PDSS2: variants seen among roughly 807,000 people sequenced by gnomAD.
The protein encoded by PDSS2 is all trans-polyprenyl-diphosphate synthase PDSS2.
A neutral mutation model predicts 44.5 loss-of-function variants in PDSS2; 31 were observed. That is an observed-to-expected ratio of 0.70 (90% CI 0.52 to 0.94). PDSS2 has a LOEUF of 0.94. Among genes scored for constraint, PDSS2 ranks in the 40% least tolerant of loss-of-function variants. The pLI is 0.00. For synonymous variants in PDSS2, 157 were observed against 180.3 expected, an observed-to-expected ratio of 0.87 and a Z score of 1.03; for missense variants, 452 against 482.2, an observed-to-expected ratio of 0.94 and a Z score of 0.59.
chr6:107,373,389 G>A (rs564130688), intron 1 of PDSS2, among the ~76,000 whole-genome samples: 1 of 152,250 alleles, frequency 6.6e-6, no homozygotes, highest in South Asian at 2.1e-4. Context: ...GCTAACTTAA[G>A]AAAATAAGTT....
chr6:107,402,554 A>ATAT (rs1337717601), intron 1 of PDSS2, among the ~76,000 whole-genome samples: 11,297 of 61,638 alleles, frequency 0.18, 707 homozygotes, highest in Admixed American at 0.29. Flanking sequence ...TATATATATA[A>ATAT]AAATATATAT....
rs114272081 is a variant in PDSS2 at position 107,193,787 on chromosome 6, T to C, written c.1041+35A>G. The C allele has an allele frequency of 3.2e-6, 4 of 1,249,078 alleles. No individual in the cohort carries two copies. The African/African-American group carries it at 5.9e-5, about 18-fold the overall frequency. 77.4% of individuals were successfully genotyped at this position (1,249,078 alleles called of 1,614,324 possible). The stretch of plus-strand genomic sequence containing the variant: ...GAAAGCCAAACACCAAATTGAAATG[T>C]GTAAAATAGTACAGTATGTATAAAA... On this transcript the variant is annotated intron_variant, in intron 7 of 7. Transcript: ENST00000369037.
At chr6:107,245,661 A>G in intron 3 of PDSS2, 42 bp from the exon 4 acceptor site, 3 of 1,232,456 alleles carry the variant, frequency 2.4e-6, no homozygotes, top group Non-Finnish European at 3.5e-6. Context: ...AAATTTAAAT[A>G]TATCTCTATT....
rs1775455713 is a variant in PDSS2, at chr6:107,267,646, T to G, written c.630+6383A>C. Reference sequence around the variant, plus strand: ...ATTGCCCAGGCTAGAGAAACAGTGGTGCATTCATAGCTCAATGCAGTCTCC... The same window carrying G: ...ATTGCCCAGGCTAGAGAAACAGTGGGGCATTCATAGCTCAATGCAGTCTCC... On this transcript the variant is annotated intron_variant, in intron 3 of 7. Transcript: ENST00000369037. 3.3e-5 allele frequency among the ~76,000 whole-genome samples: 5 copies of G among 150,836 alleles called. No homozygotes were observed. In the South Asian group the frequency reaches 1.0e-3, roughly 32 times the overall value.
chr6:107,393,411 T>G (rs1188033054), intron 1 of PDSS2, among the ~76,000 whole-genome samples: 1 of 152,148 alleles, frequency 6.6e-6, no homozygotes, highest in African/African-American at 2.4e-5. Context: ...TTTAAAAATA[T>G]CACCCAGCAT....
chr6:107,357,967 C>T (rs1322419230), intron 1 of PDSS2, among the ~76,000 whole-genome samples: 2 of 152,136 alleles, frequency 1.3e-5, no homozygotes, highest in Non-Finnish European at 2.9e-5. Flanking sequence ...TGTCAAAATA[C>T]TATTACACTA....
At chr6:107,433,368 T>C (rs927555524) in intron 1 of PDSS2, among the ~76,000 whole-genome samples, 1 of 151,998 alleles carries the variant, frequency 6.6e-6, no homozygotes, top group African/African-American at 2.4e-5. Flanking sequence ...CTTCAAATTA[T>C]ACTACAGAGT....
intron 1 of PDSS2, among the ~76,000 whole-genome samples, chr6:107,357,288 A>G (rs1034443954): frequency 6.6e-6 from 1 of 152,156 alleles, no homozygotes; most frequent in Admixed American, 6.5e-5. Flanking sequence ...TGGTATCCAA[A>G]TTTATTTTAG....
intron 1 of PDSS2, among the ~76,000 whole-genome samples, chr6:107,422,293 C>T (rs1281404479): frequency 6.6e-6 from 1 of 151,844 alleles, no homozygotes; most frequent in Admixed American, 6.6e-5. Flanking sequence ...TAATATTCAA[C>T]ATACAAGAAG....
chr6:107,255,101 C>T (rs924072644), intron 3 of PDSS2, among the ~76,000 whole-genome samples: 61 of 151,844 alleles, frequency 4.0e-4, no homozygotes, highest in Admixed American at 2.0e-4. Context: ...GAACTCCTGA[C>T]TTTGTATTCC....
At chr6:107,440,025 G>A (rs1219799688) in intron 1 of PDSS2, among the ~76,000 whole-genome samples, 1 of 151,976 alleles carries the variant, frequency 6.6e-6, no homozygotes, top group Non-Finnish European at 1.5e-5. Flanking sequence ...TTAGTGTTTT[G>A]ACAGGGACAG....
chr6:107,206,905 C>CA (rs1772995866), intron 6 of PDSS2, among the ~76,000 whole-genome samples: 1 of 152,154 alleles, frequency 6.6e-6, no homozygotes, highest in African/African-American at 2.4e-5. Context: ...ACACCACACT[C>CA]ACTTTTTGAC....
chr6:107,264,964 A>G (rs764486813), intron 3 of PDSS2, among the ~76,000 whole-genome samples: 9 of 152,234 alleles, frequency 5.9e-5, no homozygotes, highest in Non-Finnish European at 8.8e-5. Context: ...GAAGTACTAA[A>G]ATAAAAACTT....
chr6:107,196,552 A>G (rs1196439885), intron 6 of PDSS2, among the ~76,000 whole-genome samples: 1 of 152,188 alleles, frequency 6.6e-6, no homozygotes, highest in African/African-American at 2.4e-5. Context: ...GCTGACTACT[A>G]TGAATTGCTC....
chr6:107,395,788 C>T (rs1001980052), intron 1 of PDSS2, among the ~76,000 whole-genome samples: 3 of 152,122 alleles, frequency 2.0e-5, no homozygotes, highest in Non-Finnish European at 4.4e-5. Flanking sequence ...TGTTTCTCTG[C>T]CTCTTGACAT....
chr6:107,250,628 T>C (rs1774785331), intron 3 of PDSS2, among the ~76,000 whole-genome samples: 1 of 152,210 alleles, frequency 6.6e-6, no homozygotes, highest in African/African-American at 2.4e-5. Flanking sequence ...AATTGATTTA[T>C]GGAATATATC....
intron 1 of PDSS2, among the ~76,000 whole-genome samples, chr6:107,426,009 T>G: frequency 6.6e-6 from 1 of 150,924 alleles, no homozygotes; most frequent in Non-Finnish European, 1.5e-5. Context: ...AAATTCAAGC[T>G]GCAGAAATTT....
chr6:107,437,254 G>A (rs936646042), intron 1 of PDSS2, among the ~76,000 whole-genome samples: 6 of 152,138 alleles, frequency 3.9e-5, no homozygotes, highest in Non-Finnish European at 7.3e-5. Flanking sequence ...GGGTGCAGCG[G>A]CTCACACCTG....
At chr6:107,417,778 T>TACACACAC (rs59602150) in intron 1 of PDSS2, among the ~76,000 whole-genome samples, 130 of 147,050 alleles carry the variant, frequency 8.8e-4, no homozygotes, top group African/African-American at 2.7e-3. Context: ...TTAATAATAA[T>TACACACAC]ACACACACAC....
Sources: gnomAD v4.1 joint callset for allele counts (sites outside exome capture counted in the v4.1 genomes callset) on GRCh38, gnomAD v4.1.1 for gene constraint, MANE v1.5 for transcripts, NCBI Gene and HGNC (gene_info 2026-07-23, HGNC 2026-07-21) for gene names.